Variants in NDST3 observed in about 807,000 individuals in gnomAD.
The protein encoded by NDST3 is N-deacetylase and N-sulfotransferase 3, also known as bifunctional heparan sulfate N-deacetylase/N-sulfotransferase 3.
NDST3 carries 58 observed loss-of-function variants against 96.1 expected under a neutral mutation model. The ratio of observed to expected loss-of-function variants is 0.60; its 90% CI spans 0.49 to 0.75. The LOEUF is 0.75. NDST3 is among the 30% of genes least tolerant of loss of function. The probability of loss-of-function intolerance (pLI) is 0.00; values close to 1 mark genes in which losing one functional copy is unlikely to be tolerated. For missense variants in NDST3, 788 were observed against 1,034.2 expected, an observed-to-expected ratio of 0.76 and a Z score of 3.27; for synonymous variants, 333 against 359.7, an observed-to-expected ratio of 0.93 and a Z score of 0.84.
intron 6 of NDST3, among the ~76,000 whole-genome samples, chr4:118,174,737 T>A (rs1408535685): frequency 6.6e-6 from 1 of 152,134 alleles, no homozygotes; most frequent in Non-Finnish European, 1.5e-5. Context: ...AATTTTTTAC[T>A]TCTCCTTGAC....
At chr4:118,212,689 A>T (rs1237763725) in intron 6 of NDST3, among the ~76,000 whole-genome samples, 1 of 152,190 alleles carries the variant, frequency 6.6e-6, no homozygotes, top group Non-Finnish European at 1.5e-5. Context: ...GACATTTTTT[A>T]AAAAAGGATG....
At chr4:118,145,610 C>A (rs1404857201) in intron 6 of NDST3, among the ~76,000 whole-genome samples, 1 of 152,102 alleles carries the variant, frequency 6.6e-6, no homozygotes. Flanking sequence ...TAATCTTGGA[C>A]ACTAATTGGA....
At chr4:118,186,976 A>C (rs1198999768) in intron 6 of NDST3, among the ~76,000 whole-genome samples, 1 of 152,208 alleles carries the variant, frequency 6.6e-6, no homozygotes, top group Non-Finnish European at 1.5e-5. Context: ...CACATGAGGG[A>C]GACTACTATT....
chr4:118,054,236 A>C lies in NDST3; in HGVS notation c.326A>C (p.Glu109Ala), dbSNP rs1725264933. 1 of 1,612,884 alleles carries C rather than the reference A, an allele frequency of 6.2e-7. No homozygotes were observed. Among genetic ancestry groups the C allele is most frequent in the Non-Finnish European group, 8.5e-7 (1 of 1,179,374 alleles). The change falls in exon 2 of 14, where the codon GAA (glutamate) becomes GCA (alanine). Residue 109 changes from glutamate (E) to alanine (A), a missense_variant. Around this residue, in one of 3 missense-constraint regions of NDST3, gnomAD observed 234 missense variants for 256.9 expected, o/e 0.91. Coordinates refer to ENST00000296499, the MANE Select transcript of NDST3 (RefSeq NM_004784.3). Reference sequence around the variant, plus strand: ...TCAAGTAGATTCCAGTATCACATTGAAATTGCCCCTGGAAAGGGAGATCTC... The same window carrying C: ...TCAAGTAGATTCCAGTATCACATTGCAATTGCCCCTGGAAAGGGAGATCTC... Reference protein sequence around the residue: ...LESSRFQYHIEIAPGKGDLPV... With the variant: ...LESSRFQYHIAIAPGKGDLPV...
chr4:118,167,660 A>G (rs755326482), intron 6 of NDST3, among the ~76,000 whole-genome samples: 12 of 152,082 alleles, frequency 7.9e-5, no homozygotes, highest in African/African-American at 2.7e-4. Context: ...ATTTGAAAAT[A>G]TATTACAAAG....
intron 2 of NDST3, among the ~76,000 whole-genome samples, chr4:118,094,072 C>G (rs1049749472): frequency 6.6e-6 from 1 of 151,800 alleles, no homozygotes. Context: ...ATTTAATCAC[C>G]TCCTGAAGGC....
chr4:118,044,741 T>C (rs1376335758), intron 1 of NDST3, among the ~76,000 whole-genome samples: 1 of 152,168 alleles, frequency 6.6e-6, no homozygotes, highest in African/African-American at 2.4e-5. Context: ...TCTAAGAGCA[T>C]GGTGCTGGCA....
chr4:118,151,377 T>G (rs11937205), intron 6 of NDST3, among the ~76,000 whole-genome samples: 7 of 151,784 alleles, frequency 4.6e-5, no homozygotes, highest in African/African-American at 1.7e-4. Flanking sequence ...CCCTAAAACT[T>G]AAAGTATAAT....
chr4:118,144,186 CT>C (rs112629601), intron 6 of NDST3, among the ~76,000 whole-genome samples: 157 of 146,078 alleles, frequency 1.1e-3, no homozygotes, highest in Middle Eastern at 3.6e-3. Context: ...TAATGGGCTA[CT>C]TTTTTTTTTT....
Position 118,120,814 on chromosome 4 carries a change from C to A in NDST3, c.1224+5854C>A, listed in dbSNP as rs116683595. Among the ~76,000 whole-genome samples, 1,007 of 152,254 alleles carry A rather than the reference C, an allele frequency of 6.6e-3. 8 individuals carry two copies. The highest frequency in any genetic ancestry group is 0.023 in the African/African-American group (965 of 41,540). ...AATTTCTAATTTGTCGTTCTTATAT[C>A]CCCCAATCTGAACATTATTGTCCAC... On this transcript the variant is annotated intron_variant, in intron 4 of 13. Transcript: ENST00000296499.
chr4:118,057,226 T>G (rs574357781), intron 2 of NDST3, among the ~76,000 whole-genome samples: 1 of 152,186 alleles, frequency 6.6e-6, no homozygotes, highest in South Asian at 2.1e-4. Flanking sequence ...TTAGGATTTT[T>G]GGCATAGGTT....
chr4:118,095,168 A>G (rs1729191496), intron 2 of NDST3, among the ~76,000 whole-genome samples: 1 of 151,908 alleles, frequency 6.6e-6, no homozygotes, highest in African/African-American at 2.4e-5. Flanking sequence ...AAGGAAGTAA[A>G]CCACATGAGT....
At chr4:118,081,562 A>C (rs28603319) in intron 2 of NDST3, among the ~76,000 whole-genome samples, 5,521 of 152,160 alleles carry the variant, frequency 0.036, 356 homozygotes, top group African/African-American at 0.13. Context: ...GATTTCTTAC[A>C]CTGTAGTAAT....
chr4:118,194,187 C>T, intron 6 of NDST3: 1 of 771,574 alleles, frequency 1.3e-6, no homozygotes, highest in South Asian at 1.4e-5. Flanking sequence ...TAAGGCAGAT[C>T]CAGATTCTCC....
chr4:118,158,581 A>G (rs1161528778), intron 6 of NDST3, among the ~76,000 whole-genome samples: 1 of 152,250 alleles, frequency 6.6e-6, no homozygotes, highest in Non-Finnish European at 1.5e-5. Context: ...TGAAAAAAGA[A>G]ACATCAATAG....
At chr4:118,107,077 G>A (rs865848065) in intron 3 of NDST3, among the ~76,000 whole-genome samples, 2 of 151,356 alleles carry the variant, frequency 1.3e-5, no homozygotes, top group South Asian at 2.1e-4. Context: ...GCTACAGAGC[G>A]AGACTCCATC....
intron 3 of NDST3, among the ~76,000 whole-genome samples, chr4:118,106,379 T>C (rs1730183331): frequency 6.6e-6 from 1 of 152,114 alleles, no homozygotes; most frequent in South Asian, 2.1e-4. Flanking sequence ...AGGATCTTGC[T>C]CTGTTGCCCA....
intron 5 of NDST3, among the ~76,000 whole-genome samples, chr4:118,140,506 A>C (rs978654404): frequency 1.1e-4 from 16 of 152,066 alleles, no homozygotes; most frequent in African/African-American, 3.9e-4. Flanking sequence ...TCTCTACTCT[A>C]ATCTCTGGTT....
chr4:118,219,605 C>A (rs1021746126), intron 6 of NDST3, among the ~76,000 whole-genome samples: 1 of 152,086 alleles, frequency 6.6e-6, no homozygotes, highest in African/African-American at 2.4e-5. Context: ...CTAGGCAATA[C>A]CACTCAGGAC....
Sources: allele counts gnomAD v4.1 joint callset (sites outside exome capture counted in the v4.1 genomes callset), GRCh38; gene constraint gnomAD v4.1.1; regional missense constraint gnomAD v4.1.1; transcripts MANE v1.5; gene names NCBI Gene and HGNC (gene_info 2026-07-23, HGNC 2026-07-21).